Variants in KCNIP1 observed in about 807,000 individuals in gnomAD.
KCNIP1 encodes potassium voltage-gated channel interacting protein 1.
In KCNIP1, 18 loss-of-function variants were observed where a neutral mutation model predicts 33.0. The observed-to-expected ratio is 0.55, with a 90% CI of 0.38 to 0.81. The LOEUF is 0.81. Among genes scored for constraint, KCNIP1 ranks in the 30% least tolerant of loss-of-function variants. The pLI, the probability that KCNIP1 is intolerant of heterozygous loss-of-function variation, is 0.00. For synonymous variants in KCNIP1, 93 were observed against 98.3 expected, an observed-to-expected ratio of 0.95 and a Z score of 0.32; for missense variants, 238 against 271.6, an observed-to-expected ratio of 0.88 and a Z score of 0.87.
At chr5:170,379,535 C>T (rs1764151011) in intron 1 of KCNIP1, among the ~76,000 whole-genome samples, 1 of 152,100 alleles carries the variant, frequency 6.6e-6, no homozygotes. Flanking sequence ...GGAAGAATTG[C>T]CAGGGTGTGG....
chr5:170,511,300 C>T (rs1332489116), intron 1 of KCNIP1, among the ~76,000 whole-genome samples: 2 of 152,250 alleles, frequency 1.3e-5, no homozygotes, highest in Admixed American at 1.3e-4. Context: ...TGGTGCTGCA[C>T]ACCAGGTGAG....
At chr5:170,488,002 G>A (rs1472675448) in intron 1 of KCNIP1, among the ~76,000 whole-genome samples, 1 of 152,008 alleles carries the variant, frequency 6.6e-6, no homozygotes, top group Non-Finnish European at 1.5e-5. Flanking sequence ...TATCTTCCTT[G>A]ATCCCACCTA....
chr5:170,437,347 G>A (rs112490405), intron 1 of KCNIP1, among the ~76,000 whole-genome samples: 95 of 152,304 alleles, frequency 6.2e-4, no homozygotes, highest in Middle Eastern at 3.4e-3. Flanking sequence ...TTTCTCAAAT[G>A]CCAAGGTGGC....
intron 1 of KCNIP1, among the ~76,000 whole-genome samples, chr5:170,460,387 A>G (rs1325563507): frequency 6.6e-6 from 1 of 152,172 alleles, no homozygotes; most frequent in Non-Finnish European, 1.5e-5. Context: ...CACAACCAAA[A>G]AAGAAAACTA....
chr5:170,373,566 C>T (rs1472610985), intron 1 of KCNIP1, among the ~76,000 whole-genome samples: 1 of 152,144 alleles, frequency 6.6e-6, no homozygotes, highest in African/African-American at 2.4e-5. Context: ...AATAATAATA[C>T]ATCCATTAGT....
intron 1 of KCNIP1, among the ~76,000 whole-genome samples, chr5:170,666,764 G>C (rs996721959): frequency 6.6e-6 from 1 of 152,142 alleles, no homozygotes; most frequent in South Asian, 2.1e-4. Context: ...TCTGTGGTTG[G>C]AGCAGCTTCC....
At chr5:170,356,161 C>T (rs1390277934) in intron 1 of KCNIP1, among the ~76,000 whole-genome samples, 1 of 152,232 alleles carries the variant, frequency 6.6e-6, no homozygotes, top group Non-Finnish European at 1.5e-5. Flanking sequence ...TTAGATTCAA[C>T]CCTACATGGA....
intron 1 of KCNIP1, among the ~76,000 whole-genome samples, chr5:170,396,714 G>A (rs1457843186): frequency 6.6e-6 from 1 of 152,190 alleles, no homozygotes; most frequent in Non-Finnish European, 1.5e-5. Flanking sequence ...AACCACGAAG[G>A]GGGGTTATGG....
chr5:170,615,419 T>C (rs1473444759), intron 1 of KCNIP1, among the ~76,000 whole-genome samples: 1 of 152,194 alleles, frequency 6.6e-6, no homozygotes, highest in Non-Finnish European at 1.5e-5. Flanking sequence ...TGTGATAACA[T>C]TTTAATGGCC....
intron 1 of KCNIP1, among the ~76,000 whole-genome samples, chr5:170,511,556 A>C (rs1754930933): frequency 1.3e-5 from 2 of 152,230 alleles, no homozygotes; most frequent in African/African-American, 4.8e-5. Flanking sequence ...AGCAATTCCC[A>C]ACAGTGAGGT....
intron 1 of KCNIP1, among the ~76,000 whole-genome samples, chr5:170,379,266 G>A (rs1034439722): frequency 6.6e-6 from 1 of 152,088 alleles, no homozygotes; most frequent in Non-Finnish European, 1.5e-5. Context: ...AGAATTTTTG[G>A]CAAATTTCTC....
chr5:170,478,909 TA>T (rs10609881), intron 1 of KCNIP1, among the ~76,000 whole-genome samples: 276 of 142,940 alleles, frequency 1.9e-3, no homozygotes, highest in African/African-American at 2.2e-3. Flanking sequence ...AAAAGGAAGA[TA>T]AAAAAAAAAA....
intron 1 of KCNIP1, among the ~76,000 whole-genome samples, chr5:170,708,632 G>C (rs1763341339): frequency 6.6e-6 from 1 of 152,200 alleles, no homozygotes; most frequent in African/African-American, 2.4e-5. Context: ...GGCTAGGCAT[G>C]GTGGCTCCCA....
chr5:170,710,882 G>C (rs1763420746), intron 1 of KCNIP1, among the ~76,000 whole-genome samples: 1 of 152,192 alleles, frequency 6.6e-6, no homozygotes. Context: ...CACCCAGGAG[G>C]CACTAAGAGC....
At chr5:170,527,503 C>T (rs1045270743) in intron 1 of KCNIP1, among the ~76,000 whole-genome samples, 2 of 152,014 alleles carry the variant, frequency 1.3e-5, no homozygotes, top group East Asian at 1.9e-4. Flanking sequence ...TCAGGGCCTG[C>T]GAACGGCAAT....
At chr5:170,550,507 GTGATGATGATGGCAA>G (rs1454886748) in intron 1 of KCNIP1, among the ~76,000 whole-genome samples, 3 of 147,804 alleles carry the variant, frequency 2.0e-5, no homozygotes, top group Admixed American at 6.7e-5. Flanking sequence ...GATGATGATG[GTGATGATGATGGCAA>G]TGATGATGAT....
chr5:170,416,953 A>G (rs1260258708), intron 1 of KCNIP1, among the ~76,000 whole-genome samples: 8 of 152,252 alleles, frequency 5.3e-5, no homozygotes, highest in Admixed American at 5.2e-4. Flanking sequence ...TAATGCTAGA[A>G]TATGGTGCAA....
At chr5:170,633,141 C>G (rs1760124874) in intron 1 of KCNIP1, among the ~76,000 whole-genome samples, 2 of 152,120 alleles carry the variant, frequency 1.3e-5, no homozygotes, top group Admixed American at 1.3e-4. Flanking sequence ...CTCGGGGTCT[C>G]TCCAGCAAGG....
intron 1 of KCNIP1, among the ~76,000 whole-genome samples, chr5:170,672,074 G>A (rs907119866): frequency 6.6e-6 from 1 of 152,154 alleles, no homozygotes; most frequent in African/African-American, 2.4e-5. Flanking sequence ...GGAAGGAAAA[G>A]GTATTGGCCA....
Sources: gnomAD v4.1 joint callset for allele counts (sites outside exome capture counted in the v4.1 genomes callset) on GRCh38, gnomAD v4.1.1 for gene constraint, MANE v1.5 for transcripts, NCBI Gene and HGNC (gene_info 2026-07-23, HGNC 2026-07-21) for gene names.